Variants in TBC1D22A observed in about 807,000 individuals in gnomAD.
TBC1D22A encodes the protein putative GTPase activator.
TBC1D22A carries 38 observed loss-of-function variants against 60.2 expected under a neutral mutation model. The ratio of observed to expected loss-of-function variants is 0.63; its 90% CI spans 0.49 to 0.83. The LOEUF (loss-of-function observed/expected upper bound fraction) is 0.83, where lower values mean the gene tolerates loss of function less well. Ranked by LOEUF, TBC1D22A falls within the 40% of genes least tolerant of loss-of-function variation. TBC1D22A has a pLI of 0.00. For missense variants in TBC1D22A, 628 were observed against 701.0 expected (o/e 0.90, Z 1.18); for synonymous variants, 302 against 281.7 (o/e 1.07, Z -0.72).
intron 7 of TBC1D22A, among the ~76,000 whole-genome samples, chr22:46,904,133 AT>A (rs1290464881): frequency 8.2e-5 from 6 of 73,510 alleles, no homozygotes; most frequent in Non-Finnish European, 1.2e-4. Flanking sequence ...CTATCTATCT[AT>A]CTATCTATCT....
chr22:47,019,538 G>A (rs1300591922), intron 10 of TBC1D22A, among the ~76,000 whole-genome samples: 2 of 151,676 alleles, frequency 1.3e-5, no homozygotes, highest in African/African-American at 4.9e-5. Flanking sequence ...TAGGTGTTTG[G>A]GGGCAGAGGA....
chr22:46,982,670 C>T (rs565735073), intron 9 of TBC1D22A, among the ~76,000 whole-genome samples: 24 of 152,272 alleles, frequency 1.6e-4, no homozygotes, highest in Admixed American at 6.5e-4. Flanking sequence ...GTGTGAACAA[C>T]GAATCGATGT....
chr22:46,783,206 T>A (rs1845993754), intron 1 of TBC1D22A, among the ~76,000 whole-genome samples: 1 of 152,232 alleles, frequency 6.6e-6, no homozygotes, highest in Non-Finnish European at 1.5e-5. Flanking sequence ...CTAATGATAC[T>A]GAGCTTACTT....
intron 8 of TBC1D22A, chr22:46,916,009 G>T (rs956792040): frequency 2.2e-6 from 1 of 460,750 alleles, no homozygotes; most frequent in Middle Eastern, 3.6e-4. Flanking sequence ...GTAATCTGGA[G>T]AGATGAGCTT....
chr22:47,060,703 A>G (rs895815822), intron 11 of TBC1D22A, among the ~76,000 whole-genome samples: 8 of 152,140 alleles, frequency 5.3e-5, no homozygotes, highest in Non-Finnish European at 8.8e-5. Context: ...TTTTGGGAGA[A>G]GTTGGTGATG....
chr22:46,768,587 C>G (rs1569352556), intron 1 of TBC1D22A, among the ~76,000 whole-genome samples: 1 of 151,738 alleles, frequency 6.6e-6, no homozygotes, highest in Non-Finnish European at 1.5e-5. Context: ...TCCCGAAGGG[C>G]TGTTGCTTTC....
At position 46,786,408 on chromosome 22, in the gene TBC1D22A, G is replaced by A. The variant is rs1207434212; in HGVS notation, c.63-6112G>A. 2.6e-5 allele frequency among the ~76,000 whole-genome samples: 4 copies of A among 152,102 alleles called. No homozygotes were observed. In the East Asian group the frequency reaches 5.8e-4, roughly 22 times the overall value. On this transcript the variant is annotated intron_variant, in intron 1 of 12. Coordinates refer to ENST00000337137, the MANE Select transcript of TBC1D22A (RefSeq NM_014346.5). The stretch of plus-strand genomic sequence containing the variant: ...TCCCTTTTTATGTGTTGTTGGATTT[G>A]GTTTGCTAGTATTTTGGGTTTTTAC...
intron 11 of TBC1D22A, among the ~76,000 whole-genome samples, chr22:47,052,133 G>A (rs1436206289): frequency 6.6e-6 from 1 of 152,232 alleles, no homozygotes; most frequent in Non-Finnish European, 1.5e-5. Context: ...GGGTTCATTT[G>A]GAGAGCAGCA....
At chr22:47,123,148 G>A (rs945160682) in intron 12 of TBC1D22A, among the ~76,000 whole-genome samples, 4 of 152,176 alleles carry the variant, frequency 2.6e-5, no homozygotes, top group Non-Finnish European at 4.4e-5. Flanking sequence ...TGGGGCAGGT[G>A]GGTGGAATCG....
At chr22:46,944,591 G>C (rs907434620) in intron 8 of TBC1D22A, among the ~76,000 whole-genome samples, 13 of 152,280 alleles carry the variant, frequency 8.5e-5, no homozygotes, top group South Asian at 8.3e-4. Flanking sequence ...GTAGAGATGG[G>C]GTTTCACCGT....
At chr22:46,977,519 CA>C (rs2074348949) in intron 9 of TBC1D22A, among the ~76,000 whole-genome samples, 1 of 152,062 alleles carries the variant, frequency 6.6e-6, no homozygotes, top group Non-Finnish European at 1.5e-5. Flanking sequence ...TCTTAGCCCC[CA>C]GTAAGATGGC....
chr22:47,029,218 C>T (rs1336517515), intron 10 of TBC1D22A, among the ~76,000 whole-genome samples: 1 of 146,484 alleles, frequency 6.8e-6, no homozygotes, highest in African/African-American at 2.6e-5. Context: ...CGCTTCCATA[C>T]CCCTTCCCAT....
chr22:46,913,541 C>A (rs754410615), intron 8 of TBC1D22A: 101 of 1,231,938 alleles, frequency 8.2e-5, no homozygotes, highest in Admixed American at 1.1e-4. Flanking sequence ...AGAGCTGCCT[C>A]GGCTCACTCC....
intron 10 of TBC1D22A, among the ~76,000 whole-genome samples, chr22:47,026,414 G>A (rs131946): frequency 0.24 from 36,006 of 151,946 alleles, 4,585 homozygotes; most frequent in East Asian, 0.29. Flanking sequence ...TCATTTATTC[G>A]TACATACATA....
At chr22:46,972,585 A>G (rs1357183232) in intron 8 of TBC1D22A, among the ~76,000 whole-genome samples, 1 of 152,162 alleles carries the variant, frequency 6.6e-6, no homozygotes, top group Admixed American at 6.5e-5. Flanking sequence ...AATGTCCAGA[A>G]TAGGCAACTC....
intron 11 of TBC1D22A, among the ~76,000 whole-genome samples, chr22:47,049,404 G>A (rs759169122): frequency 6.6e-6 from 1 of 152,224 alleles, no homozygotes; most frequent in Admixed American, 6.5e-5. Flanking sequence ...CACAGATGGC[G>A]CTGCTCTGAG....
chr22:46,813,418 G>A (rs915211790), intron 4 of TBC1D22A, among the ~76,000 whole-genome samples: 1 of 152,122 alleles, frequency 6.6e-6, no homozygotes, highest in African/African-American at 2.4e-5. Flanking sequence ...GGCCAGTATG[G>A]GTGACTTCTC....
At chr22:47,044,135 C>T (rs887465954) in intron 11 of TBC1D22A, among the ~76,000 whole-genome samples, 2 of 152,304 alleles carry the variant, frequency 1.3e-5, no homozygotes, top group African/African-American at 4.8e-5. Context: ...AGTAGGGGGC[C>T]GATTGCTGTG....
At chr22:46,921,733 A>G (rs2070770396) in intron 8 of TBC1D22A, among the ~76,000 whole-genome samples, 1 of 151,640 alleles carries the variant, frequency 6.6e-6, no homozygotes, top group African/African-American at 2.4e-5. Flanking sequence ...TCTTTTGTCT[A>G]CAACCTCCAC....
Sources: gnomAD v4.1 joint callset for allele counts (sites outside exome capture counted in the v4.1 genomes callset) on GRCh38, gnomAD v4.1.1 for gene constraint, MANE v1.5 for transcripts, NCBI Gene and HGNC (gene_info 2026-07-23, HGNC 2026-07-21) for gene names.